The following ANXA8 variants were observed in gnomAD, a reference collection of about 807,000 sequenced individuals.
ANXA8 encodes the protein annexin A8, also known as VAC-beta.
Under a neutral mutation model 26.8 loss-of-function variants are expected in ANXA8, and 9 were observed. The observed-to-expected ratio is 0.34, with a 90% CI of 0.20 to 0.59. The LOEUF (loss-of-function observed/expected upper bound fraction) is 0.59, where lower values mean the gene tolerates loss of function less well. ANXA8 is among the 20% of genes least tolerant of loss of function. The pLI is 0.84. For missense variants in ANXA8, 83 were observed against 238.5 expected (o/e 0.35, Z 4.29); for synonymous variants, 39 against 94.8 (o/e 0.41, Z 3.42).
the ANXA8 span, among the ~76,000 whole-genome samples, chr10:47,533,236 C>CACACACACACA: frequency 7.2e-6 from 1 of 138,990 alleles, no homozygotes; most frequent in African/African-American, 2.8e-5. Context: ...CCCGCAGACA[C>CACACACACACA]CCTAGTGGCC....
chr10:47,503,872 A>G, the ANXA8 span, among the ~76,000 whole-genome samples: 3 of 98,098 alleles, frequency 3.1e-5, no homozygotes, highest in Non-Finnish European at 5.6e-5. Context: ...CCTGGGAGGC[A>G]GAGCCTGCAG....
At chr10:47,694,699 G>A in the ANXA8 span, among the ~76,000 whole-genome samples, 6 of 152,002 alleles carry the variant, frequency 3.9e-5, no homozygotes, top group Middle Eastern at 3.4e-3. Flanking sequence ...GATTACAGGC[G>A]CGAGCCACCG....
the ANXA8 span, chr10:47,550,974 A>C: frequency 6.7e-6 from 1 of 149,648 alleles, no homozygotes; most frequent in Non-Finnish European, 1.5e-5. Flanking sequence ...TTTTATAGAG[A>C]GTACAACAGA....
chr10:47,558,178 G>T, the ANXA8 span, among the ~76,000 whole-genome samples: 2 of 152,070 alleles, frequency 1.3e-5, no homozygotes, highest in South Asian at 4.2e-4. Flanking sequence ...TGATTTAAAA[G>T]TTCCCATTGT....
chr10:47,777,822 C>T, the ANXA8 span, among the ~76,000 whole-genome samples: 4 of 151,918 alleles, frequency 2.6e-5, no homozygotes, highest in Admixed American at 1.3e-4. Flanking sequence ...TCTTGCTGTG[C>T]TGCCCAGGCT....
At chr10:47,600,047 T>C in the ANXA8 span, among the ~76,000 whole-genome samples, 1 of 149,616 alleles carries the variant, frequency 6.7e-6, no homozygotes, top group African/African-American at 2.5e-5. Flanking sequence ...GGCAGAGAAA[T>C]ACATTGATCA....
At chr10:47,644,245 T>C in the ANXA8 span, among the ~76,000 whole-genome samples, 17 of 148,900 alleles carry the variant, frequency 1.1e-4, no homozygotes, top group Non-Finnish European at 2.4e-4. Context: ...TCATTAACCT[T>C]GTCCAGACAT....
At chr10:47,946,529 G>A in the ANXA8 span, among the ~76,000 whole-genome samples, 8 of 150,174 alleles carry the variant, frequency 5.3e-5, no homozygotes, top group South Asian at 2.1e-4. Context: ...CCAGAGGGTC[G>A]GTTTAGCATT....
the ANXA8 span, among the ~76,000 whole-genome samples, chr10:47,940,563 C>T: frequency 1.4e-4 from 20 of 146,824 alleles, 1 homozygote; most frequent in South Asian, 4.0e-3. Context: ...GGCATGGTGG[C>T]TCACACCTGT....
the ANXA8 span, among the ~76,000 whole-genome samples, chr10:47,554,411 C>T: frequency 1.3e-5 from 2 of 150,930 alleles, no homozygotes; most frequent in African/African-American, 2.5e-5. Context: ...TAAACTGCCT[C>T]GCCTTCCCTG....
chr10:47,530,043 C>CT, the ANXA8 span, among the ~76,000 whole-genome samples: 2 of 128,850 alleles, frequency 1.6e-5, no homozygotes. Context: ...TCACTGTGGA[C>CT]TTAATTCTAC....
chr10:47,743,305 T>TATACAC, the ANXA8 span, among the ~76,000 whole-genome samples: 15 of 53,744 alleles, frequency 2.8e-4, 3 homozygotes, highest in Non-Finnish European at 4.2e-4. Flanking sequence ...CACATATATA[T>TATACAC]ATATATACAC....
chr10:47,552,350 T>C, the ANXA8 span, among the ~76,000 whole-genome samples: 1 of 151,338 alleles, frequency 6.6e-6, no homozygotes, highest in Non-Finnish European at 1.5e-5. Context: ...TAACTCTAAA[T>C]AGTCACATGT....
the ANXA8 span, among the ~76,000 whole-genome samples, chr10:47,626,668 G>A: frequency 6.7e-6 from 1 of 150,160 alleles, no homozygotes; most frequent in Non-Finnish European, 1.5e-5. Flanking sequence ...TTGTAAAAGT[G>A]GCATCTGGTT....
chr10:47,667,344 A>G, the ANXA8 span, among the ~76,000 whole-genome samples: 2 of 151,964 alleles, frequency 1.3e-5, no homozygotes, highest in Non-Finnish European at 2.9e-5. Context: ...GTACAAAATC[A>G]TTCTGGAAGT....
the ANXA8 span, among the ~76,000 whole-genome samples, chr10:47,613,962 G>A: frequency 6.0e-4 from 44 of 73,354 alleles, 14 homozygotes; most frequent in African/African-American, 1.7e-3. Flanking sequence ...GTGGCCCAGG[G>A]GTTGGGACCC....
At chr10:47,778,538 T>C in the ANXA8 span, among the ~76,000 whole-genome samples, 4 of 151,920 alleles carry the variant, frequency 2.6e-5, no homozygotes, top group Non-Finnish European at 2.9e-5. Flanking sequence ...TCTTGTCTCC[T>C]GCTAATCCTG....
chr10:47,909,007 G>A, the ANXA8 span, among the ~76,000 whole-genome samples: 116 of 76,478 alleles, frequency 1.5e-3, 38 homozygotes, highest in Admixed American at 2.3e-3. Context: ...TGTGATGTAT[G>A]TACACACACA....
upstream of ANXA8, among the ~76,000 whole-genome samples, chr10:47,486,917 G>A (rs1483056796): frequency 6.7e-6 from 1 of 148,698 alleles, no homozygotes; most frequent in Non-Finnish European, 1.5e-5. Context: ...AGGTTGCAGT[G>A]AGCCGAGATC....
Sources: gnomAD v4.1 joint callset for allele counts (sites outside exome capture counted in the v4.1 genomes callset) on GRCh38, gnomAD v4.1.1 for gene constraint, MANE v1.5 for transcripts, NCBI Gene and HGNC (gene_info 2026-07-23, HGNC 2026-07-21) for gene names.